Variants in CD63 observed in about 807,000 individuals in gnomAD.
CD63 encodes the protein CD63 antigen.
Under a neutral mutation model 29.2 loss-of-function variants are expected in CD63, and 16 were observed. The ratio of observed to expected loss-of-function variants is 0.55; its 90% CI spans 0.37 to 0.83. CD63 has a LOEUF of 0.83. Among genes scored for constraint, CD63 ranks in the 40% least tolerant of loss-of-function variants. The probability of loss-of-function intolerance (pLI) is 0.00; values close to 1 mark genes in which losing one functional copy is unlikely to be tolerated. For missense variants in CD63, 251 were observed against 297.3 expected, an observed-to-expected ratio of 0.84 and a Z score of 1.15; for synonymous variants, 118 against 111.7, an observed-to-expected ratio of 1.06 and a Z score of -0.36.
downstream of CD63, chr12:55,724,751 C>CT: frequency 1.6e-6 from 1 of 640,128 alleles, no homozygotes; most frequent in Non-Finnish European, 2.8e-6. Flanking sequence ...GACATGCTCA[C>CT]GGTCTCTGGC....
At chr12:55,727,923 G>T in intron 2 of CD63, 1 of 1,168,536 alleles carries the variant, frequency 8.6e-7, no homozygotes, top group Non-Finnish European at 1.1e-6. Context: ...AGAGGGTTGG[G>T]GAGGGAGAGA....
Sources: allele counts gnomAD v4.1 joint callset, GRCh38; gene constraint gnomAD v4.1.1; transcripts MANE v1.5; gene names NCBI Gene and HGNC (gene_info 2026-07-23, HGNC 2026-07-21).